RBPMS2: variants seen among roughly 807,000 people sequenced by gnomAD.
RBPMS2 encodes RNA binding protein, mRNA processing factor 2, also known as RNA-binding protein with multiple splicing 2.
In RBPMS2, 14 loss-of-function variants were observed where a neutral mutation model predicts 25.7. The ratio of observed to expected loss-of-function variants is 0.55; its 90% CI spans 0.36 to 0.85. The LOEUF is 0.85. Ranked by LOEUF, RBPMS2 falls within the 40% of genes least tolerant of loss-of-function variation. RBPMS2 has a pLI of 0.01. For synonymous variants in RBPMS2, 127 were observed against 115.6 expected (o/e 1.10, Z -0.63); for missense variants, 252 against 283.4 (o/e 0.89, Z 0.80).
intron 1 of RBPMS2, among the ~76,000 whole-genome samples, chr15:64,757,970 AC>A (rs1308012019): frequency 1.3e-5 from 2 of 152,212 alleles, no homozygotes; most frequent in South Asian, 2.1e-4. Context: ...ACAGAGCAAG[AC>A]CCTACCTCTA....
intron 6 of RBPMS2, among the ~76,000 whole-genome samples, chr15:64,742,289 C>T (rs1312222283): frequency 6.6e-6 from 1 of 152,218 alleles, no homozygotes; most frequent in Non-Finnish European, 1.5e-5. Flanking sequence ...GCTGAGGCTC[C>T]CGTTTTGACC....
chr15:64,759,380 A>T (rs927349430), intron 1 of RBPMS2, among the ~76,000 whole-genome samples: 13 of 152,154 alleles, frequency 8.5e-5, no homozygotes. Flanking sequence ...CTCTTTCAGG[A>T]AGGTGTGAGC....
chr15:64,765,012 G>A (rs1265831726), intron 1 of RBPMS2, among the ~76,000 whole-genome samples: 2 of 151,306 alleles, frequency 1.3e-5, no homozygotes, highest in Non-Finnish European at 2.9e-5. Flanking sequence ...GGATCACGAG[G>A]TCAGGAGTTC....
At chr15:64,752,704 C>G (rs1022930439) in intron 1 of RBPMS2, among the ~76,000 whole-genome samples, 1 of 151,680 alleles carries the variant, frequency 6.6e-6, no homozygotes, top group Non-Finnish European at 1.5e-5. Context: ...TCTGCCTCCC[C>G]GGTTCAAGCG....
intron 1 of RBPMS2, among the ~76,000 whole-genome samples, chr15:64,753,911 C>T (rs1052289116): frequency 6.6e-6 from 1 of 152,142 alleles, no homozygotes; most frequent in Non-Finnish European, 1.5e-5. Flanking sequence ...GGCCTCTCTG[C>T]CCTTTGATGT....
At chr15:64,775,007 G>A (rs959158029) in intron 1 of RBPMS2, among the ~76,000 whole-genome samples, 3 of 150,638 alleles carry the variant, frequency 2.0e-5, no homozygotes, top group Non-Finnish European at 4.4e-5. Context: ...GGCCCGCCTC[G>A]AGCCCGAGAG....
intron 6 of RBPMS2, among the ~76,000 whole-genome samples, chr15:64,744,798 G>GT (rs748967917): frequency 2.4e-4 from 11 of 46,298 alleles, no homozygotes; most frequent in African/African-American, 4.4e-4. Flanking sequence ...GGTTTGTTTT[G>GT]TTTTTTTTTT....
At chr15:64,759,387 G>C (rs2083761756) in intron 1 of RBPMS2, among the ~76,000 whole-genome samples, 1 of 152,178 alleles carries the variant, frequency 6.6e-6, no homozygotes, top group African/African-American at 2.4e-5. Context: ...AGGAAGGTGT[G>C]AGCTGCAAGC....
At chr15:64,756,676 C>T (rs1448645845) in intron 1 of RBPMS2, among the ~76,000 whole-genome samples, 9 of 146,172 alleles carry the variant, frequency 6.2e-5, no homozygotes, top group African/African-American at 2.3e-4. Flanking sequence ...GAGTCTCGCT[C>T]TGTTGCCCAG....
chr15:64,771,207 AAT>A (rs2083890906), intron 1 of RBPMS2, among the ~76,000 whole-genome samples: 1 of 152,216 alleles, frequency 6.6e-6, no homozygotes, highest in South Asian at 2.1e-4. Flanking sequence ...GTATACACTA[AAT>A]ATACACCTTT....
In RBPMS2 at chr15:64,759,219, G is replaced by C. The variant is rs575800304; in HGVS notation, c.88-7581C>G. The stretch of plus-strand genomic sequence containing the variant: ...CAGCACCTGGGTGGCACAGGAAGTA[G>C]AGCCCCCCATCCTCAGCCTTGTTTC... On this transcript the variant is annotated intron_variant, in intron 1 of 7. Coordinates refer to ENST00000300069, the MANE Select transcript of RBPMS2 (RefSeq NM_194272.3). Among the ~76,000 whole-genome samples the C allele has an allele frequency of 1.1e-4, 16 of 152,326 alleles. No individual in the cohort carries two copies. The South Asian group carries it at 2.9e-3, about 28-fold the overall frequency.
chr15:64,760,456 A>G (rs577233646), intron 1 of RBPMS2, among the ~76,000 whole-genome samples: 2 of 152,328 alleles, frequency 1.3e-5, no homozygotes, highest in East Asian at 3.9e-4. Flanking sequence ...AAACAGTGGT[A>G]GGCTCAGGGA....
chr15:64,743,830 T>C (rs7178369), intron 6 of RBPMS2, among the ~76,000 whole-genome samples: 132,613 of 152,226 alleles, frequency 0.87, 58,973 homozygotes, highest in East Asian at 0.96. Flanking sequence ...TAAGGCCAGG[T>C]GTGACAGCTC....
At chr15:64,753,866 A>G (rs1278337939) in intron 1 of RBPMS2, among the ~76,000 whole-genome samples, 2 of 152,092 alleles carry the variant, frequency 1.3e-5, no homozygotes, top group Admixed American at 1.3e-4. Context: ...AGGATCCAGG[A>G]TGGGTGAAAC....
intron 6 of RBPMS2, among the ~76,000 whole-genome samples, chr15:64,744,287 G>A (rs911135911): frequency 1.3e-5 from 2 of 152,056 alleles, no homozygotes; most frequent in African/African-American, 2.4e-5. Flanking sequence ...GGCTGGGCGC[G>A]GTGGCTCATG....
chr15:64,741,362 C>T (rs889678810), intron 6 of RBPMS2, 120 bp from the exon 7 acceptor site: 15 of 748,150 alleles, frequency 2.0e-5, no homozygotes, highest in Non-Finnish European at 3.2e-5. Context: ...TTGGCTGGCA[C>T]ATTTTGGGCC....
intron 6 of RBPMS2, among the ~76,000 whole-genome samples, chr15:64,742,386 T>C (rs1423290925): frequency 6.6e-6 from 1 of 152,176 alleles, no homozygotes; most frequent in Non-Finnish European, 1.5e-5. Flanking sequence ...CTATCTGAGA[T>C]CATCCTCACC....
chr15:64,752,697 G>A (rs1011634493), intron 1 of RBPMS2, among the ~76,000 whole-genome samples: 7 of 151,320 alleles, frequency 4.6e-5, no homozygotes, highest in African/African-American at 1.7e-4. Flanking sequence ...TGCAACCTCT[G>A]CCTCCCCGGT....
intron 3 of RBPMS2, 65 bp downstream of exon 3, chr15:64,750,278 G>A (rs573957724): frequency 4.3e-6 from 6 of 1,380,724 alleles, no homozygotes; most frequent in South Asian, 2.3e-5. Flanking sequence ...GGGTTAACGG[G>A]CCCTTGTTTG....
Sources: allele counts gnomAD v4.1 joint callset (sites outside exome capture counted in the v4.1 genomes callset), GRCh38; gene constraint gnomAD v4.1.1; transcripts MANE v1.5; gene names NCBI Gene and HGNC (gene_info 2026-07-23, HGNC 2026-07-21).